Variants in ADRA1A observed in about 807,000 individuals in gnomAD.
ADRA1A encodes adrenoceptor alpha 1A.
ADRA1A carries 31 observed loss-of-function variants against 29.6 expected under a neutral mutation model. The observed-to-expected ratio is 1.05, with a 90% CI of 0.79 to 1.41. The LOEUF is 1.41. Ranked by LOEUF, ADRA1A falls within the 40% of genes most tolerant of loss-of-function variation. The probability of loss-of-function intolerance (pLI) is 0.00; values close to 1 mark genes in which losing one functional copy is unlikely to be tolerated. For synonymous variants in ADRA1A, 311 were observed against 254.3 expected, an observed-to-expected ratio of 1.22 and a Z score of -2.12; for missense variants, 619 against 601.1, an observed-to-expected ratio of 1.03 and a Z score of -0.31.
intron 2 of ADRA1A, among the ~76,000 whole-genome samples, chr8:26,828,870 C>T (rs1348011085): frequency 6.6e-6 from 1 of 152,110 alleles, no homozygotes; most frequent in African/African-American, 2.4e-5. Flanking sequence ...GGTAAGAGCC[C>T]AGGACCTCAT....
chr8:26,769,829 T>G lies in ADRA1A; in HGVS notation c.*320A>C. Reference sequence around the variant, plus strand: ...TATTCATGATGAAATCATAATCCTATATTTATAGTCTTTTGGATTGTGCAT... The same window carrying G: ...TATTCATGATGAAATCATAATCCTAGATTTATAGTCTTTTGGATTGTGCAT... On this transcript the variant is annotated 3_prime_UTR_variant, in exon 3 of 3. Transcript: ENST00000380573. 1 of 1,068,394 alleles carries G rather than the reference T, an allele frequency of 9.4e-7. No individual in the cohort carries two copies. The highest frequency in any genetic ancestry group is 1.1e-6 in the Non-Finnish European group (1 of 884,280). 66.2% of individuals were successfully genotyped at this position (1,068,394 alleles called of 1,614,324 possible).
rs192484461 is a variant in ADRA1A at position 26,798,228 on chromosome 8, C to T, written c.884-27562G>A. Among the ~76,000 whole-genome samples, 488 of 152,310 alleles carry T rather than the reference C, an allele frequency of 3.2e-3. 3 individuals are homozygous for T. The highest frequency in any genetic ancestry group is 0.011 in the African/African-American group (450 of 41,578). On this transcript the variant is annotated intron_variant, in intron 2 of 2. Transcript: ENST00000380573. The stretch of plus-strand genomic sequence containing the variant: ...TCCTGACCTCAAGTGATCCTCCCAC[C>T]TCAGCCTGCCAAAGTGCTGGGATTA...
At chr8:26,836,324 T>C (rs1458272020) in intron 2 of ADRA1A, 1 of 156,762 alleles carries the variant, frequency 6.4e-6, no homozygotes, top group Middle Eastern at 3.1e-3. Context: ...TTCCACTCTT[T>C]AATGAATCTG....
At chr8:26,855,953 G>A (rs1396777931) in intron 2 of ADRA1A, among the ~76,000 whole-genome samples, 2 of 152,192 alleles carry the variant, frequency 1.3e-5, no homozygotes, top group Non-Finnish European at 2.9e-5. Context: ...TTGTTACTAA[G>A]TGACTAAGGA....
At position 26,859,860 on chromosome 8, in the gene ADRA1A, C is replaced by T. The variant is rs1014452391; in HGVS notation, c.883+4227G>A. On this transcript the variant is annotated intron_variant, in intron 2 of 2. Coordinates refer to ENST00000380573, the MANE Select transcript of ADRA1A (RefSeq NM_000680.4). Reference sequence around the variant, plus strand: ...TCAGCTCACTGCAACCTCTGTCTCCCGGGTTCAAGCGATTCTCCAGCCTCA... The same window carrying T: ...TCAGCTCACTGCAACCTCTGTCTCCTGGGTTCAAGCGATTCTCCAGCCTCA... Among the ~76,000 whole-genome samples the T allele has an allele frequency of 2.6e-5, 4 of 151,976 alleles. No homozygotes were observed. The South Asian group carries it at 6.3e-4, about 24-fold the overall frequency.
intron 2 of ADRA1A, among the ~76,000 whole-genome samples, chr8:26,829,957 C>A (rs1432550258): frequency 4.4e-5 from 1 of 22,896 alleles, no homozygotes; most frequent in South Asian, 1.5e-3. Context: ...GGGTGTGTGT[C>A]TGGGGGGTGG....
chr8:26,828,344 A>G (rs1478558385), intron 2 of ADRA1A, among the ~76,000 whole-genome samples: 1 of 152,122 alleles, frequency 6.6e-6, no homozygotes, highest in African/African-American at 2.4e-5. Flanking sequence ...CTACTCATCC[A>G]TGGTTACGAA....
intron 2 of ADRA1A, among the ~76,000 whole-genome samples, chr8:26,774,068 C>A (rs371737338): frequency 3.3e-5 from 5 of 152,328 alleles, no homozygotes; most frequent in African/African-American, 1.2e-4. Flanking sequence ...AAGCAAATCT[C>A]TAGATTTTGG....
rs973010665 is a variant in ADRA1A, at chr8:26,821,472, G to A, written c.883+42615C>T. On this transcript the variant is annotated intron_variant, in intron 2 of 2. Coordinates refer to ENST00000380573, the MANE Select transcript of ADRA1A (RefSeq NM_000680.4). This position sits in a 1 kb window ranked among gnomAD's most constrained non-coding sequence, Gnocchi z 5.6. ...GAACTGAGAACTCACTTTTCACCAC[G>A]GAGATGGTGTTAAGCCATTCATGAG... Among the ~76,000 whole-genome samples, 4 of 152,040 alleles carry A rather than the reference G, an allele frequency of 2.6e-5. No homozygotes were observed. The East Asian group carries it at 5.8e-4, about 22-fold the overall frequency.
intron 2 of ADRA1A, among the ~76,000 whole-genome samples, chr8:26,827,586 A>C (rs1263586253): frequency 1.3e-5 from 2 of 152,168 alleles, no homozygotes; most frequent in East Asian, 3.8e-4. Flanking sequence ...TGGAAGGGAC[A>C]AGACAGCGCT....
At chr8:26,795,768 AAGG>A (rs1808150139) in intron 2 of ADRA1A, among the ~76,000 whole-genome samples, 1 of 152,134 alleles carries the variant, frequency 6.6e-6, no homozygotes, top group Non-Finnish European at 1.5e-5. Flanking sequence ...CAGGAACCAT[AAGG>A]AGGAGAATAT....
chr8:26,797,389 T>A (rs1276598420), intron 2 of ADRA1A, among the ~76,000 whole-genome samples: 1 of 152,096 alleles, frequency 6.6e-6, no homozygotes, highest in Non-Finnish European at 1.5e-5. Flanking sequence ...CTTCAACTCC[T>A]GGGCTTAAGC....
chr8:26,831,937 G>A lies in ADRA1A; in HGVS notation c.883+32150C>T, dbSNP rs138308586. 1.0e-3 allele frequency among the ~76,000 whole-genome samples: 154 copies of A among 152,328 alleles called. 1 individual carries two copies. Among genetic ancestry groups the A allele is most frequent in the African/African-American group, 3.5e-3 (146 of 41,574 alleles). ...CCCTAAGAGACACCTGGGCCTGGCCGTGTGGTTTGTAGGCTGGAGTGGGGA... is the reference window on the plus strand; with the variant it reads ...CCCTAAGAGACACCTGGGCCTGGCCATGTGGTTTGTAGGCTGGAGTGGGGA... On this transcript the variant is annotated intron_variant, in intron 2 of 2. Coordinates refer to ENST00000380573, the MANE Select transcript of ADRA1A (RefSeq NM_000680.4). The surrounding 1 kb of genome is among the most constrained non-coding windows in gnomAD (Gnocchi z 5.2).
chr8:26,783,047 A>T (rs917396317), intron 2 of ADRA1A, among the ~76,000 whole-genome samples: 5 of 152,180 alleles, frequency 3.3e-5, no homozygotes, highest in Non-Finnish European at 5.9e-5. Context: ...CTAGAACCTC[A>T]TATCAGTTTT....
At chr8:26,780,721 A>G (rs1168998793) in intron 2 of ADRA1A, among the ~76,000 whole-genome samples, 7 of 152,182 alleles carry the variant, frequency 4.6e-5, no homozygotes, top group Admixed American at 3.3e-4. Flanking sequence ...GTGAAGCTTC[A>G]TCTGTATTTA....
Position 26,865,553 on chromosome 8 carries a change from G to T in ADRA1A, c.-584C>A, listed in dbSNP as rs575946615. 14 of 992,276 alleles carry T rather than the reference G, an allele frequency of 1.4e-5. No homozygotes were observed. The highest frequency in any genetic ancestry group is 1.1e-4 in the East Asian group (1 of 8,914). The allele number at this position is 992,276 out of a possible 1,614,324, so 61.5% of individuals were successfully genotyped here. ...TACATTTTGAGCTGCCCCACCGAAG[G>T]CTCCTGCTCTCTCCAGCTTCTAGGA... is the stretch of plus-strand genomic sequence containing the variant. On this transcript the variant is annotated 5_prime_UTR_variant, in exon 2 of 3. Transcript: ENST00000380573. This position sits in a 1 kb window ranked among gnomAD's most constrained non-coding sequence, Gnocchi z 7.6.
intron 2 of ADRA1A, among the ~76,000 whole-genome samples, chr8:26,834,204 C>T (rs374159533): frequency 2.6e-5 from 4 of 152,216 alleles, no homozygotes; most frequent in South Asian, 2.1e-4. Flanking sequence ...ATACAATAAA[C>T]AATAGAGAAA....
intron 2 of ADRA1A, among the ~76,000 whole-genome samples, chr8:26,812,473 G>A (rs1253119903): frequency 6.6e-6 from 1 of 152,080 alleles, no homozygotes; most frequent in East Asian, 1.9e-4. Flanking sequence ...AGGAAACAGG[G>A]ATCTATCTCT....
chr8:26,811,158 G>C lies in ADRA1A; in HGVS notation c.884-40492C>G, dbSNP rs75091396. ...GAAATAGAAATGAAGGCTGGATTCT[G>C]TCCATTTGGGTCTCACTGTCTAGCT... On this transcript the variant is annotated intron_variant, in intron 2 of 2. Transcript: ENST00000380573. 1.5e-3 allele frequency among the ~76,000 whole-genome samples: 222 copies of C among 151,824 alleles called. 3 individuals are homozygous for C. In the East Asian group the frequency reaches 0.04, roughly 27 times the overall value.
Sources: gnomAD v4.1 joint callset for allele counts (sites outside exome capture counted in the v4.1 genomes callset) on GRCh38, gnomAD v4.1.1 for gene constraint, Gnocchi (gnomAD v3.1) non-coding constraint, MANE v1.5 for transcripts, NCBI Gene and HGNC (gene_info 2026-07-23, HGNC 2026-07-21) for gene names.